The following ADAMTS17 variants were observed in gnomAD, a reference collection of about 807,000 sequenced individuals.
ADAMTS17 encodes the protein ADAM metallopeptidase with thrombospondin type 1 motif 17.
Under a neutral mutation model 141.5 loss-of-function variants are expected in ADAMTS17, and 113 were observed. That is an observed-to-expected ratio of 0.80 (90% CI 0.69 to 0.93). The LOEUF (loss-of-function observed/expected upper bound fraction) is 0.93, where lower values mean the gene tolerates loss of function less well. Ranked by LOEUF, ADAMTS17 falls within the 40% of genes least tolerant of loss-of-function variation. ADAMTS17 has a pLI of 0.00. For synonymous variants in ADAMTS17, 768 were observed against 630.6 expected (o/e 1.22, Z -3.27); for missense variants, 1,659 against 1,517.9 (o/e 1.09, Z -1.54).
intron 14 of ADAMTS17, among the ~76,000 whole-genome samples, chr15:100,097,887 G>T (rs1305614387): frequency 6.6e-6 from 1 of 152,022 alleles, no homozygotes; most frequent in Non-Finnish European, 1.5e-5. Context: ...TTATTTTTTT[G>T]AAAAAGATCT....
At chr15:100,340,731 A>C (rs1288620543) in intron 2 of ADAMTS17, among the ~76,000 whole-genome samples, 1 of 152,058 alleles carries the variant, frequency 6.6e-6, no homozygotes, top group Non-Finnish European at 1.5e-5. Context: ...GGGCCCTGAC[A>C]GTTTCATCCC....
intron 3 of ADAMTS17, among the ~76,000 whole-genome samples, chr15:100,291,668 G>T (rs1277571961): frequency 1.3e-5 from 2 of 152,126 alleles, no homozygotes; most frequent in African/African-American, 4.8e-5. Context: ...CCATAAAAAA[G>T]AATGAGATCA....
chr15:100,079,987 T>TG (rs1191708112), intron 15 of ADAMTS17, among the ~76,000 whole-genome samples: 1 of 152,204 alleles, frequency 6.6e-6, no homozygotes, highest in African/African-American at 2.4e-5. Flanking sequence ...GACAACACTT[T>TG]GCAGGGCTGA....
chr15:100,166,465 A>G (rs950084507), intron 8 of ADAMTS17, among the ~76,000 whole-genome samples: 1 of 152,202 alleles, frequency 6.6e-6, no homozygotes, highest in African/African-American at 2.4e-5. Context: ...CTGTTCCCAT[A>G]TCGACTGGAA....
intron 18 of ADAMTS17, among the ~76,000 whole-genome samples, chr15:100,036,522 G>A (rs1466508215): frequency 6.6e-6 from 1 of 152,210 alleles, no homozygotes; most frequent in Admixed American, 6.5e-5. Flanking sequence ...TGCACTCACG[G>A]GAGCCTGCGG....
intron 3 of ADAMTS17, among the ~76,000 whole-genome samples, chr15:100,310,639 G>T (rs190229354): frequency 6.6e-6 from 1 of 152,176 alleles, no homozygotes; most frequent in Non-Finnish European, 1.5e-5. Flanking sequence ...TTCACAGCTG[G>T]TCCCAGGTTG....
rs529779242 is a variant in ADAMTS17 at position 99,974,133 on chromosome 15, C to T, written c.*269G>A. ...TCTTGACGGTTGTCTGCCAGAGGTG[C>T]TTCCCTTCGAGGTACCTGAAATCCT... On this transcript the variant is annotated 3_prime_UTR_variant, in exon 22 of 22. Coordinates refer to ENST00000268070, the MANE Select transcript of ADAMTS17 (RefSeq NM_139057.4). The T allele has an allele frequency of 4.7e-5, 25 of 527,626 alleles. No homozygotes were observed. In the East Asian group the frequency reaches 7.7e-4, roughly 16 times the overall value. The allele number at this position is 527,626 out of a possible 1,614,324, so 32.7% of individuals were successfully genotyped here.
chr15:100,153,874 T>C (rs996183159), intron 9 of ADAMTS17, among the ~76,000 whole-genome samples: 1 of 152,138 alleles, frequency 6.6e-6, no homozygotes, highest in East Asian at 1.9e-4. Flanking sequence ...GCTGTGTACA[T>C]GAGCAAATAA....
chr15:99,975,524 CTCT>C lies in ADAMTS17; in HGVS notation c.3127+518_3127+520del, dbSNP rs201334579. The stretch of plus-strand genomic sequence containing the variant: ...CCACAACCAGCCAGATCTTTAAGTG[CTCT>C]TCTTCTCCTTGTATCACCACTGACC... On this transcript the variant is annotated intron_variant, in intron 21 of 21. Coordinates refer to ENST00000268070, the MANE Select transcript of ADAMTS17 (RefSeq NM_139057.4). 7.2e-3 allele frequency among the ~76,000 whole-genome samples: 1,090 copies of C among 152,112 alleles called. 17 individuals are homozygous for C. The highest frequency in any genetic ancestry group is 0.025 in the African/African-American group (1,026 of 41,486).
At chr15:100,111,721 AGTAGTAAGGAT>A (rs1261627530) in intron 13 of ADAMTS17, among the ~76,000 whole-genome samples, 1 of 152,276 alleles carries the variant, frequency 6.6e-6, no homozygotes, top group African/African-American at 2.4e-5. Context: ...CAACAGCTGC[AGTAGTAAGGAT>A]GATGAAATCA....
At chr15:100,247,094 C>T (rs1294339068) in intron 7 of ADAMTS17, among the ~76,000 whole-genome samples, 1 of 151,986 alleles carries the variant, frequency 6.6e-6, no homozygotes, top group Non-Finnish European at 1.5e-5. Context: ...GCCATGTTGG[C>T]CGGGCTAGTC....
intron 12 of ADAMTS17, among the ~76,000 whole-genome samples, chr15:100,117,349 C>T (rs2037203303): frequency 6.6e-6 from 1 of 152,190 alleles, no homozygotes; most frequent in Non-Finnish European, 1.5e-5. Flanking sequence ...CCAAGGGACA[C>T]TTCTGGAGAG....
intron 18 of ADAMTS17, among the ~76,000 whole-genome samples, chr15:100,002,028 T>C (rs2060938386): frequency 7.7e-6 from 1 of 129,570 alleles, no homozygotes; most frequent in South Asian, 2.4e-4. Context: ...AAAAAGAAAT[T>C]TGAATGTGAT....
chr15:100,340,700 G>A (rs917629736), intron 2 of ADAMTS17, among the ~76,000 whole-genome samples: 3 of 152,124 alleles, frequency 2.0e-5, no homozygotes, highest in African/African-American at 7.2e-5. Context: ...CTCTACATTG[G>A]GGCCAAGGCG....
intron 4 of ADAMTS17, among the ~76,000 whole-genome samples, chr15:100,273,268 G>A: frequency 6.6e-6 from 1 of 152,260 alleles, no homozygotes; most frequent in African/African-American, 2.4e-5. Flanking sequence ...AATTTGAGGA[G>A]GACTAGTGTT....
chr15:100,211,385 G>C (rs930537797), intron 7 of ADAMTS17, among the ~76,000 whole-genome samples: 1 of 151,116 alleles, frequency 6.6e-6, no homozygotes, highest in Non-Finnish European at 1.5e-5. Flanking sequence ...ACTGGAAAAT[G>C]ATAGACTGTT....
chr15:100,308,705 T>G (rs1260702476), intron 3 of ADAMTS17, among the ~76,000 whole-genome samples: 1 of 152,130 alleles, frequency 6.6e-6, no homozygotes, highest in Non-Finnish European at 1.5e-5. Context: ...CCATCCAAGT[T>G]TGCCCTGGCT....
intron 15 of ADAMTS17, among the ~76,000 whole-genome samples, chr15:100,060,699 C>T (rs376943181): frequency 5.3e-5 from 8 of 152,334 alleles, no homozygotes; most frequent in Admixed American, 2.6e-4. Flanking sequence ...TATTTCCACT[C>T]GGAGTTCTGC....
Position 100,317,858 on chromosome 15 carries a change from C to A in ADAMTS17, c.616+13031G>T, listed in dbSNP as rs190922713. 2.2e-4 allele frequency among the ~76,000 whole-genome samples: 33 copies of A among 152,292 alleles called. No individual in the cohort carries two copies. The East Asian group carries it at 4.4e-3, about 21-fold the overall frequency. On this transcript the variant is annotated intron_variant, in intron 3 of 21. Coordinates refer to ENST00000268070, the MANE Select transcript of ADAMTS17 (RefSeq NM_139057.4). ...ACCATTCCTGGTTTAGTTTCTGAAA[C>A]CTGAGCTCCCAAAAGAGTAACACCA... is the stretch of plus-strand genomic sequence containing the variant.
Sources: allele counts gnomAD v4.1 joint callset (sites outside exome capture counted in the v4.1 genomes callset), GRCh38; gene constraint gnomAD v4.1.1; transcripts MANE v1.5; gene names NCBI Gene and HGNC (gene_info 2026-07-23, HGNC 2026-07-21).